Variants in UNC13C observed in about 807,000 individuals in gnomAD.
UNC13C encodes the protein protein unc-13 homolog C.
In UNC13C, 174 loss-of-function variants were observed where a neutral mutation model predicts 245.4. The observed-to-expected ratio is 0.71, with a 90% CI of 0.63 to 0.80. The LOEUF (loss-of-function observed/expected upper bound fraction) is 0.80. Among genes scored for constraint, UNC13C ranks in the 30% least tolerant of loss-of-function variants. The probability of loss-of-function intolerance (pLI) is 0.00; values close to 1 mark genes in which losing one functional copy is unlikely to be tolerated. For missense variants in UNC13C, 2,829 were observed against 2,602.9 expected (o/e 1.09, Z -1.89); for synonymous variants, 992 against 895.1 (o/e 1.11, Z -1.93).
the UNC13C span, among the ~76,000 whole-genome samples, chr15:53,851,630 C>T: frequency 6.6e-6 from 1 of 152,146 alleles, no homozygotes; most frequent in Admixed American, 6.6e-5. Flanking sequence ...CCAGAGGGGC[C>T]GTGCCCTGTA....
intron 18 of UNC13C, among the ~76,000 whole-genome samples, chr15:54,412,215 A>G (rs540155162): frequency 2.6e-5 from 4 of 152,088 alleles, no homozygotes; most frequent in African/African-American, 7.2e-5. Flanking sequence ...GAAAAAAAAA[A>G]CAAAAAAAGT....
the UNC13C span, among the ~76,000 whole-genome samples, chr15:53,862,410 A>G: frequency 6.6e-6 from 1 of 152,084 alleles, no homozygotes; most frequent in Non-Finnish European, 1.5e-5. Flanking sequence ...GTTTCATTCA[A>G]TCTATATCTA....
chr15:54,088,990 G>A (rs1899407865), intron 2 of UNC13C, among the ~76,000 whole-genome samples: 1 of 152,170 alleles, frequency 6.6e-6, no homozygotes, highest in Non-Finnish European at 1.5e-5. Context: ...CCAGAAACTT[G>A]ATGCTGGCCT....
At chr15:54,293,357 C>A (rs949911099) in intron 10 of UNC13C, among the ~76,000 whole-genome samples, 1 of 151,972 alleles carries the variant, frequency 6.6e-6, no homozygotes, top group African/African-American at 2.4e-5. Flanking sequence ...GACTAGAATG[C>A]ACAGTTTGTT....
At chr15:54,293,739 G>A (rs550091475) in intron 10 of UNC13C, among the ~76,000 whole-genome samples, 156 bp from the exon 11 acceptor site, 12 of 152,040 alleles carry the variant, frequency 7.9e-5, no homozygotes, top group African/African-American at 2.9e-4. Context: ...GTTGCATTAT[G>A]TGCCTGCAAC....
chr15:54,569,926 C>T (rs1897677023), intron 30 of UNC13C, among the ~76,000 whole-genome samples: 1 of 152,024 alleles, frequency 6.6e-6, no homozygotes. Context: ...CTCCTATCCA[C>T]CCTCGCCCAG....
chr15:54,410,760 C>G (rs972121956), intron 18 of UNC13C, among the ~76,000 whole-genome samples: 1 of 151,866 alleles, frequency 6.6e-6, no homozygotes, highest in East Asian at 1.9e-4. Context: ...GTTACTGCAG[C>G]CTTGTAGTAT....
At chr15:53,889,774 T>A in the UNC13C span, among the ~76,000 whole-genome samples, 11 of 152,206 alleles carry the variant, frequency 7.2e-5, no homozygotes, top group East Asian at 1.3e-3. Context: ...GGGTGTTGAA[T>A]TTTGTCAAAG....
chr15:54,565,731 A>C (rs1331648087), intron 29 of UNC13C, among the ~76,000 whole-genome samples: 1 of 152,008 alleles, frequency 6.6e-6, no homozygotes, highest in African/African-American at 2.4e-5. Flanking sequence ...CAAAATAATT[A>C]ATTTGTATTA....
chr15:53,942,674 C>A, the UNC13C span, among the ~76,000 whole-genome samples: 11 of 151,812 alleles, frequency 7.2e-5, no homozygotes, highest in Non-Finnish European at 1.2e-4. Context: ...TTCTCTGTTT[C>A]TGTTTTTGAG....
chr15:54,382,135 C>T (rs1344116144), intron 17 of UNC13C, among the ~76,000 whole-genome samples: 1 of 152,112 alleles, frequency 6.6e-6, no homozygotes, highest in African/African-American at 2.4e-5. Flanking sequence ...ACAACACACT[C>T]CTGAATGACC....
intron 10 of UNC13C, among the ~76,000 whole-genome samples, chr15:54,284,749 AAAC>A (rs1309593978): frequency 6.6e-6 from 1 of 152,126 alleles, no homozygotes; most frequent in Non-Finnish European, 1.5e-5. Flanking sequence ...GTATTTTCCT[AAAC>A]AATTTTTTAT....
the UNC13C span, among the ~76,000 whole-genome samples, chr15:53,885,765 G>C: frequency 1.3e-5 from 2 of 152,198 alleles, no homozygotes; most frequent in Non-Finnish European, 2.9e-5. Context: ...TACCATAAAT[G>C]TGTGAAACAA....
intron 17 of UNC13C, among the ~76,000 whole-genome samples, chr15:54,374,776 G>T (rs1178494922): frequency 2.0e-5 from 3 of 152,208 alleles, no homozygotes; most frequent in Non-Finnish European, 4.4e-5. Flanking sequence ...GGAGCATGCA[G>T]TCCTGGCTGC....
Position 54,250,281 on chromosome 15 carries a change from C to T in UNC13C, c.3285C>T (p.Thr1095=), listed in dbSNP as rs1292633340. ...CACTGATCTACCCTATGTCTTCTAC[C>T]ATCCCACACAATTTTGAGGTCTGGA... ...LQALIYPMSS[T]IPHNFEVWTA... Residue 1095 remains threonine (T), a synonymous_variant, in exon 8 of 33, where the codon ACC becomes ACT. Transcript: ENST00000260323. The T allele has an allele frequency of 1.2e-6, 2 of 1,613,914 alleles. No individual in the cohort carries two copies. Among genetic ancestry groups the T allele is most frequent in the East Asian group, 4.5e-5 (2 of 44,860 alleles).
Position 54,014,080 on chromosome 15 carries a change from A to G in UNC13C, c.1177A>G (p.Lys393Glu). ...TCAACAAAGGGATTCTGTCTTAAAA[A>G]AGTCATATAAACTCAAAGGAACAGG... is the stretch of plus-strand genomic sequence containing the variant. ...TPQQRDSVLKKSYKLKGTGIG... is the reference protein window; with the variant it reads ...TPQQRDSVLKESYKLKGTGIG... Residue 393 changes from lysine (K) to glutamate (E), a missense_variant, in exon 2 of 33, where the codon AAG (lysine) becomes GAG (glutamate). Lys to Glu is a moderately conservative substitution (Grantham distance 56). Coordinates refer to ENST00000260323, the MANE Select transcript of UNC13C (RefSeq NM_001080534.3). The G allele has an allele frequency of 3.7e-6, 6 of 1,613,816 alleles. No homozygotes were observed. The highest frequency in any genetic ancestry group is 5.1e-6 in the Non-Finnish European group (6 of 1,179,844).
chr15:54,356,481 C>G (rs1206717671), intron 17 of UNC13C, among the ~76,000 whole-genome samples: 1 of 152,102 alleles, frequency 6.6e-6, no homozygotes, highest in Non-Finnish European at 1.5e-5. Flanking sequence ...ATTTATCGCT[C>G]ACAGTTCTCA....
intron 10 of UNC13C, among the ~76,000 whole-genome samples, chr15:54,285,497 T>C (rs1354039259): frequency 6.6e-6 from 1 of 152,192 alleles, no homozygotes; most frequent in Non-Finnish European, 1.5e-5. Flanking sequence ...AAGTTGAGTG[T>C]CTTATAGTAT....
chr15:54,558,159 G>A (rs981212389), intron 29 of UNC13C, among the ~76,000 whole-genome samples: 2 of 152,004 alleles, frequency 1.3e-5, no homozygotes, highest in Non-Finnish European at 2.9e-5. Flanking sequence ...GCTAGATGAC[G>A]AGTTAGTGGG....
Sources: allele counts gnomAD v4.1 joint callset (sites outside exome capture counted in the v4.1 genomes callset), GRCh38; gene constraint gnomAD v4.1.1; transcripts MANE v1.5; gene names NCBI Gene and HGNC (gene_info 2026-07-23, HGNC 2026-07-21).